The following SYT10 variants were observed in gnomAD, a reference collection of about 807,000 sequenced individuals.
SYT10 encodes synaptotagmin-10.
SYT10 carries 31 observed loss-of-function variants against 51.1 expected under a neutral mutation model. The ratio of observed to expected loss-of-function variants is 0.61; its 90% confidence interval spans 0.46 to 0.82. The LOEUF (loss-of-function observed/expected upper bound fraction) is 0.82, where lower values mean the gene tolerates loss of function less well. Among genes scored for constraint, SYT10 ranks in the 40% least tolerant of loss-of-function variants. The pLI, the probability that SYT10 is intolerant of heterozygous loss-of-function variation, is 0.00. For missense variants in SYT10, 603 were observed against 634.0 expected, an observed-to-expected ratio of 0.95 and a Z score of 0.53; for synonymous variants, 233 against 225.9, an observed-to-expected ratio of 1.03 and a Z score of -0.28.
chr12:33,398,873 TAGAG>T (rs1438217683), intron 3 of SYT10, among the ~76,000 whole-genome samples: 2 of 152,140 alleles, frequency 1.3e-5, no homozygotes, highest in East Asian at 1.9e-4. Flanking sequence ...AATTAACACT[TAGAG>T]AGATTTAGTA....
At chr12:33,427,666 C>T (rs1866564033) in intron 1 of SYT10, among the ~76,000 whole-genome samples, 1 of 152,164 alleles carries the variant, frequency 6.6e-6, no homozygotes, top group Non-Finnish European at 1.5e-5. Context: ...CTTGCCATAG[C>T]AATTATGACT....
intron 2 of SYT10, among the ~76,000 whole-genome samples, chr12:33,424,608 A>C (rs1866533736): frequency 6.6e-6 from 1 of 152,018 alleles, no homozygotes; most frequent in African/African-American, 2.4e-5. Context: ...GTTTTCCCCT[A>C]TAGGTATAGC....
At chr12:33,382,583 C>T (rs1159490302) in intron 4 of SYT10, 63 bp from the exon 5 acceptor site, 9 of 1,444,208 alleles carry the variant, frequency 6.2e-6, no homozygotes, top group Non-Finnish European at 8.3e-6. Flanking sequence ...AATAAAACTG[C>T]AGTTTATTTT....
At chr12:33,388,108 G>A (rs1427879012) in intron 3 of SYT10, among the ~76,000 whole-genome samples, 2 of 124,658 alleles carry the variant, frequency 1.6e-5, no homozygotes, top group Non-Finnish European at 3.2e-5. Flanking sequence ...TAGCTACAAA[G>A]GTACAAAACT....
chr12:33,413,891 A>C (rs1392822991), intron 2 of SYT10, among the ~76,000 whole-genome samples: 1 of 152,196 alleles, frequency 6.6e-6, no homozygotes, highest in Non-Finnish European at 1.5e-5. Context: ...AGACTGGCTA[A>C]TTGGATAAAG....
chr12:33,405,942 A>C (rs1298744368), intron 3 of SYT10: 1 of 151,908 alleles, frequency 6.6e-6, no homozygotes, highest in Non-Finnish European at 1.5e-5. Context: ...TAACAGTAAG[A>C]AAATGGTTAA....
At chr12:33,377,723 G>A (rs1419845486) in intron 6 of SYT10, among the ~76,000 whole-genome samples, 1 of 150,276 alleles carries the variant, frequency 6.7e-6, no homozygotes, top group African/African-American at 2.4e-5. Flanking sequence ...CGCCTCCTGG[G>A]TTTAAGCAAT....
intron 2 of SYT10, among the ~76,000 whole-genome samples, chr12:33,409,261 G>C (rs904801408): frequency 6.6e-6 from 1 of 151,898 alleles, no homozygotes; most frequent in Admixed American, 6.6e-5. Flanking sequence ...CTGTCACCCA[G>C]GCTGGAGTGC....
intron 1 of SYT10, among the ~76,000 whole-genome samples, chr12:33,426,947 A>T (rs1440743612): frequency 6.6e-6 from 1 of 152,236 alleles, no homozygotes; most frequent in African/African-American, 2.4e-5. Flanking sequence ...GGTTTTCAAC[A>T]GTATAAATGA....
At chr12:33,401,059 A>T (rs1333692362) in intron 3 of SYT10, among the ~76,000 whole-genome samples, 2 of 151,988 alleles carry the variant, frequency 1.3e-5, no homozygotes, top group Non-Finnish European at 2.9e-5. Flanking sequence ...ATAGTGATTG[A>T]CTAACAAAAT....
intron 6 of SYT10, among the ~76,000 whole-genome samples, chr12:33,377,629 CTTTTTTTTTT>C (rs375275079): frequency 8.8e-6 from 1 of 114,004 alleles, no homozygotes; most frequent in East Asian, 2.2e-4. Context: ...TTTTCTTTTT[CTTTTTTTTTT>C]TTTTTGAGAT....
At chr12:33,415,961 A>G (rs972833112) in intron 2 of SYT10, among the ~76,000 whole-genome samples, 2 of 152,150 alleles carry the variant, frequency 1.3e-5, no homozygotes, top group South Asian at 2.1e-4. Flanking sequence ...CCCCAAGGAC[A>G]TCATTTCGTA....
chr12:33,405,031 C>G (rs1866340510), intron 3 of SYT10: 1 of 151,650 alleles, frequency 6.6e-6, no homozygotes, highest in South Asian at 2.1e-4. Flanking sequence ...AAAAAAAAAT[C>G]ACAATCTCCT....
chr12:33,383,723 TC>T (rs1866135397), intron 4 of SYT10, among the ~76,000 whole-genome samples: 1 of 152,134 alleles, frequency 6.6e-6, no homozygotes, highest in African/African-American at 2.4e-5. Context: ...TGACTACATT[TC>T]TCTGCTTGTG....
At position 33,407,263 on chromosome 12, in the gene SYT10, T is replaced by C. The variant is rs1460516781; in HGVS notation, c.603A>G (p.Glu201=). 6.2e-7 allele frequency: 1 copy of C among 1,613,906 alleles called. No homozygotes were observed. The highest frequency in any genetic ancestry group is 1.3e-5 in the African/African-American group (1 of 75,062). The change falls in exon 3 of 7, where the codon GAA becomes GAG. Residue 201 remains glutamate, a synonymous_variant. Coordinates refer to ENST00000228567, the MANE Select transcript of SYT10 (RefSeq NM_198992.4). ...TTATCCTCCCAATGCTGGTTGTTGT[T>C]TCTCCTCGTTGTAAAACAGGTTCTG... ...MGTEPVLQRG[E]TTTSIGRIKP... is the part of the protein sequence containing the mutation.
At chr12:33,388,950 G>C (rs1459060250) in intron 3 of SYT10, among the ~76,000 whole-genome samples, 1 of 152,180 alleles carries the variant, frequency 6.6e-6, no homozygotes, top group Non-Finnish European at 1.5e-5. Context: ...TGGAGTGTAA[G>C]AGATGGAGAG....
At chr12:33,395,083 G>A (rs765439053) in intron 3 of SYT10, among the ~76,000 whole-genome samples, 12 of 152,148 alleles carry the variant, frequency 7.9e-5, no homozygotes, top group Non-Finnish European at 1.8e-4. Flanking sequence ...GCGAGACTCC[G>A]TCTCAAAACA....
chr12:33,377,432 G>A (rs1193244250), intron 6 of SYT10, among the ~76,000 whole-genome samples: 1 of 151,756 alleles, frequency 6.6e-6, no homozygotes, highest in African/African-American at 2.4e-5. Flanking sequence ...GCAGTAAGAG[G>A]TTCTAAACAC....
intron 2 of SYT10, 124 bp from the exon 3 acceptor site, chr12:33,407,480 T>C (rs1866369348): frequency 1.0e-6 from 1 of 958,698 alleles, no homozygotes; most frequent in Non-Finnish European, 1.5e-6. Context: ...TCTACATAGA[T>C]AGACACATAC....
Sources: gnomAD v4.1 joint callset for allele counts (sites outside exome capture counted in the v4.1 genomes callset) on GRCh38, gnomAD v4.1.1 for gene constraint, MANE v1.5 for transcripts, NCBI Gene and HGNC (gene_info 2026-07-23, HGNC 2026-07-21) for gene names.